ITIH3: variants seen among roughly 807,000 people sequenced by gnomAD.
ITIH3 encodes inter-alpha-trypsin inhibitor heavy chain H3.
ITIH3 carries 81 observed loss-of-function variants against 96.5 expected under a neutral mutation model. The ratio of observed to expected loss-of-function variants is 0.84; its 90% CI spans 0.70 to 1.01. The LOEUF (loss-of-function observed/expected upper bound fraction) is 1.01, where lower values mean the gene tolerates loss of function less well. ITIH3 is among the 50% of genes least tolerant of loss of function. ITIH3 has a pLI of 0.00. For missense variants in ITIH3, 1,057 were observed against 1,139.3 expected (o/e 0.93, Z 1.04); for synonymous variants, 422 against 445.2 (o/e 0.95, Z 0.66).
chr3:52,807,416 C>A (rs1700097857), intron 19 of ITIH3, among the ~76,000 whole-genome samples: 1 of 152,200 alleles, frequency 6.6e-6, no homozygotes, highest in Non-Finnish European at 1.5e-5. Context: ...GTCTTCAGAT[C>A]CCCCAGAGCC....
Position 52,807,183 on chromosome 3 carries a change from C to G in ITIH3, c.2261+78C>G, listed in dbSNP as rs530346074. 68 of 1,272,996 alleles carry G rather than the reference C, an allele frequency of 5.3e-5. No homozygotes were observed. In the Admixed American group the frequency reaches 1.4e-3, roughly 27 times the overall value. 78.9% of individuals were successfully genotyped at this position (1,272,996 alleles called of 1,614,324 possible). A position where few individuals can be genotyped will look rare whatever the true frequency, so the allele number is the denominator to read the frequency against. On this transcript the variant is annotated intron_variant, in intron 19 of 21. Coordinates refer to ENST00000449956, the MANE Select transcript of ITIH3 (RefSeq NM_002217.4). ...AGGCTCTTGAGGGATTTAGAAAAAT[C>G]CCAGGACAGGAGATCCATGGGGGTC... is the stretch of plus-strand genomic sequence containing the variant.
Position 52,797,808 on chromosome 3 carries a change from C to G in ITIH3, c.550-9C>G, listed in dbSNP as rs1266934296. 2 of 1,572,098 alleles carry G rather than the reference C, an allele frequency of 1.3e-6. No homozygotes were observed. Among genetic ancestry groups the G allele is most frequent in the Admixed American group, 1.8e-5 (1 of 56,698 alleles). The stretch of plus-strand genomic sequence containing the variant: ...ACTGAGTGACATTTCCTTACTTTGG[C>G]CATTTCAGATCGAGGTAGACATCTT... On this transcript the variant is annotated splice_polypyrimidine_tract_variant and intron_variant, in intron 5 of 21. Transcript: ENST00000449956.
At chr3:52,804,846 C>A in intron 15 of ITIH3, 112 bp downstream of exon 15, 3 of 1,214,272 alleles carry the variant, frequency 2.5e-6, no homozygotes, top group Non-Finnish European at 3.6e-6. Flanking sequence ...ACACTTGGGA[C>A]ACCTGGGCTC....
At position 52,799,782 on chromosome 3, in the gene ITIH3, A is replaced by G; in HGVS notation, c.936A>G (p.Glu312=). 2 of 1,613,450 alleles carry G rather than the reference A, an allele frequency of 1.2e-6. No homozygotes were observed. Among genetic ancestry groups the G allele is most frequent in the Non-Finnish European group, 1.7e-6 (2 of 1,179,658 alleles). The part of the protein sequence containing the change: ...QTKEALLRIL[E]DMQEEDYLNF... ...AGGAGGCCCTTCTCAGAATCCTGGAAGATATGCAAGAGGAAGACTATCTGA... is the reference window on the plus strand; with the variant it reads ...AGGAGGCCCTTCTCAGAATCCTGGAGGATATGCAAGAGGAAGACTATCTGA... The change falls in exon 9 of 22, where the codon GAA becomes GAG. Residue 312 remains glutamate, a synonymous_variant. Coordinates refer to ENST00000449956, the MANE Select transcript of ITIH3 (RefSeq NM_002217.4).
At chr3:52,802,165 G>A (rs1161031224) in intron 11 of ITIH3, 169 bp from the exon 12 acceptor site, 1 of 598,502 alleles carries the variant, frequency 1.7e-6, no homozygotes, top group East Asian at 2.8e-5. Flanking sequence ...TGGGAGCAGG[G>A]AGTTGCCGGG....
In ITIH3 at chr3:52,800,664, G is replaced by A; in HGVS notation, c.1201+1G>A. 6.3e-7 allele frequency: 1 copy of A among 1,598,494 alleles called. No individual in the cohort carries two copies. Among genetic ancestry groups the A allele is most frequent in the Non-Finnish European group, 8.5e-7 (1 of 1,172,720 alleles). ...CTGACTGATGGGGATGCCAATGTTG[G>A]TGAGGAGCACGGGCATGGTTTTGAG... On this transcript the variant is annotated splice_donor_variant, in intron 10 of 21. Coordinates refer to ENST00000449956, the MANE Select transcript of ITIH3 (RefSeq NM_002217.4). LOFTEE classifies it high-confidence loss of function.
In ITIH3 at chr3:52,807,824, A is replaced by G. The variant is rs1559474688; in HGVS notation, c.2339A>G (p.Gln780Arg). Reference protein sequence around the residue: ...DGVTFVVVLHQVWKKHPVHRD... With the variant: ...DGVTFVVVLHRVWKKHPVHRD... ...GTTACCTTCGTGGTCGTCCTACACC[A>G]GGTGTGGAAGAAACATCCTGTCCAC... Residue 780 changes from glutamine (Q) to arginine (R), a missense_variant, in exon 20 of 22, where the codon CAG becomes CGG. Physicochemically the swap from Gln to Arg is conservative, Grantham distance 43. Transcript: ENST00000449956. 5.6e-6 allele frequency: 9 copies of G among 1,611,732 alleles called. No homozygotes were observed. The highest frequency in any genetic ancestry group is 1.7e-5 in the Admixed American group (1 of 59,686).
At chr3:52,804,245 G>C in intron 14 of ITIH3, 1 of 565,140 alleles carries the variant, frequency 1.8e-6, no homozygotes. Context: ...GTGAGTAAAG[G>C]GGGCACACTG....
chr3:52,797,355 A>T (rs938611083), intron 5 of ITIH3, 88 bp downstream of exon 5: 3 of 1,368,364 alleles, frequency 2.2e-6, no homozygotes, highest in Non-Finnish European at 3.0e-6. Context: ...GGTCAAAAAC[A>T]AAAGTTCTGC....
Position 52,802,507 on chromosome 3 carries a change from G to GA in ITIH3, c.1559dup (p.His522ProfsTer34), listed in dbSNP as rs780044242. 6.2e-6 allele frequency: 10 copies of GA among 1,613,774 alleles called. No individual in the cohort carries two copies. Among genetic ancestry groups the GA allele is most frequent in the Non-Finnish European group, 7.6e-6 (9 of 1,179,894 alleles). ...ACATGAACAGCTTTAAGGCAGATGT[G>GA]AAGGGCCATGGGGTGAGTGGGGACA... On this transcript the variant is annotated frameshift_variant, in exon 12 of 22. Coordinates refer to ENST00000449956, the MANE Select transcript of ITIH3 (RefSeq NM_002217.4). LOFTEE classifies it high-confidence loss of function.
Position 52,803,301 on chromosome 3 carries a change from TA to T in ITIH3, c.1709+496del, listed in dbSNP as rs1559472769. On this transcript the variant is annotated intron_variant, in intron 13 of 21. Transcript: ENST00000449956. The stretch of plus-strand genomic sequence containing the variant: ...TTATTTATTTATTTATTTATTTATT[TA>T]TTTATTTTATTTTATTATTATTATT... Among the ~76,000 whole-genome samples, 200 of 139,640 alleles carry T rather than the reference TA, an allele frequency of 1.4e-3. 1 individual carries two copies. Among genetic ancestry groups the T allele is most frequent in the African/African-American group, 5.4e-3 (185 of 34,360 alleles). The allele number at this position is 139,640 out of a possible 152,430, so 91.6% of individuals were successfully genotyped here.
intron 11 of ITIH3, 93 bp from the exon 12 acceptor site, chr3:52,802,241 G>C: frequency 7.4e-7 from 1 of 1,344,416 alleles, no homozygotes; most frequent in Non-Finnish European, 1.0e-6. Context: ...GAGCCATTAG[G>C]ACGGGCCCAG....
chr3:52,808,170 C>T lies in ITIH3; in HGVS notation c.2492C>T (p.Thr831Ile). ...GACATCCGGCCAGGCTCTGACCCCA[C>T]AAAGCCAGATGCCACATTGGTGGTG... Reference protein sequence around the residue: ...VSDIRPGSDPTKPDATLVVKN... With the variant: ...VSDIRPGSDPIKPDATLVVKN... The change falls in exon 21 of 22, where the codon ACA (threonine) becomes ATA (isoleucine). Residue 831 changes from threonine (T) to isoleucine (I), a missense_variant. Thr to Ile is a moderately conservative substitution (Grantham distance 89). Transcript: ENST00000449956. 1.2e-6 allele frequency: 2 copies of T among 1,614,248 alleles called. No homozygotes were observed. The highest frequency in any genetic ancestry group is 2.7e-5 in the African/African-American group (2 of 75,076).
Position 52,808,547 on chromosome 3 carries a change from C to T in ITIH3, c.2544-5C>T, listed in dbSNP as rs1429367871. The stretch of plus-strand genomic sequence containing the variant: ...TGTATTGCAGCATCTCTCTTCTTTC[C>T]CCAGGGGCTCCCAGAAAGACTACAG... On this transcript the variant is annotated splice_polypyrimidine_tract_variant and splice_region_variant and intron_variant, in intron 21 of 21. Coordinates refer to ENST00000449956, the MANE Select transcript of ITIH3 (RefSeq NM_002217.4). 6.2e-7 allele frequency: 1 copy of T among 1,613,048 alleles called. No homozygotes were observed.
At position 52,794,880 on chromosome 3, in the gene ITIH3, C is replaced by G. The variant is rs1345104807; in HGVS notation, c.77C>G (p.Pro26Arg). Residue 26 changes from proline (P) to arginine (R), a missense_variant, in exon 1 of 22, where the codon CCC (proline) becomes CGC (arginine). Physicochemically the swap from Pro to Arg is moderately radical, Grantham distance 103. Transcript: ENST00000449956. ...SLAASGFPRSPFRLLGKRSLP... is the reference protein window; with the variant it reads ...SLAASGFPRSRFRLLGKRSLP... ...GCAGCCTCTGGCTTCCCGAGAAGCC[C>G]CTTTCGGCTGCTTGGGGTGAGTCTG... 4 of 1,613,746 alleles carry G rather than the reference C, an allele frequency of 2.5e-6. No homozygotes were observed. The East Asian group carries it at 8.9e-5, about 36-fold the overall frequency.
chr3:52,805,235 G>A (rs1032762429), intron 15 of ITIH3: 2 of 937,850 alleles, frequency 2.1e-6, no homozygotes, highest in Admixed American at 5.7e-5. Flanking sequence ...CCACAAAACT[G>A]GAACCTCACA....
intron 1 of ITIH3, 79 bp from the exon 2 acceptor site, chr3:52,795,524 C>T (rs1030759947): frequency 1.3e-6 from 2 of 1,508,802 alleles, no homozygotes; most frequent in East Asian, 2.4e-5. Context: ...TGGTCTCAGC[C>T]CAGAGCCTCC....
chr3:52,800,185 C>G (rs1454735641), intron 9 of ITIH3, among the ~76,000 whole-genome samples: 2 of 152,204 alleles, frequency 1.3e-5, no homozygotes, highest in African/African-American at 4.8e-5. Context: ...CACAGAGAAC[C>G]CTTCTTCTTG....
chr3:52,805,502 G>C, intron 15 of ITIH3: 1 of 1,185,762 alleles, frequency 8.4e-7, no homozygotes, highest in Non-Finnish European at 1.1e-6. Context: ...GAAGCCCAGG[G>C]GTGGGGCAGA....
Sources: gnomAD v4.1 joint callset for allele counts (sites outside exome capture counted in the v4.1 genomes callset) on GRCh38, gnomAD v4.1.1 for gene constraint, MANE v1.5 for transcripts, NCBI Gene and HGNC (gene_info 2026-07-23, HGNC 2026-07-21) for gene names.